Variants in TNPO3 observed in about 807,000 individuals in gnomAD.
The protein encoded by TNPO3 is transportin-3.
In TNPO3, 65 loss-of-function variants were observed where a neutral mutation model predicts 122.8. The ratio of observed to expected loss-of-function variants is 0.53; its 90% CI spans 0.43 to 0.65. The LOEUF is 0.65. Ranked by LOEUF, TNPO3 falls within the 30% of genes least tolerant of loss-of-function variation. The pLI, the probability that TNPO3 is intolerant of heterozygous loss-of-function variation, is 0.00. For synonymous variants in TNPO3, 372 were observed against 411.2 expected, an observed-to-expected ratio of 0.90 and a Z score of 1.15; for missense variants, 850 against 1,136.7, an observed-to-expected ratio of 0.75 and a Z score of 3.63.
At chr7:129,053,872 A>G (rs1359416146) in intron 1 of TNPO3, among the ~76,000 whole-genome samples, 3 of 152,244 alleles carry the variant, frequency 2.0e-5, no homozygotes, top group African/African-American at 4.8e-5. Context: ...CAGGAAGCAT[A>G]AAACATGAAT....
upstream of TNPO3, chr7:129,055,944 T>A: frequency 1.5e-6 from 1 of 676,590 alleles, no homozygotes; most frequent in Non-Finnish European, 2.7e-6. Context: ...TTAATCCGCC[T>A]AACAACCTTG....
In TNPO3 at chr7:128,957,324, G is replaced by C; in HGVS notation, c.2712-9C>G. 6.2e-7 allele frequency: 1 copy of C among 1,614,100 alleles called. No homozygotes were observed. Among genetic ancestry groups the C allele is most frequent in the Non-Finnish European group, 8.5e-7 (1 of 1,179,990 alleles). ...GTTTACATTCCTCAGCACTAGAAAA[G>C]AAAAGGTAGGTTGGTCCTTGACTGA... On this transcript the variant is annotated splice_polypyrimidine_tract_variant and intron_variant, in intron 21 of 22. Transcript: ENST00000265388.
At chr7:129,015,387 A>ACC (rs1406185399) in intron 3 of TNPO3, among the ~76,000 whole-genome samples, 1 of 152,172 alleles carries the variant, frequency 6.6e-6, no homozygotes, top group Non-Finnish European at 1.5e-5. Context: ...AAAAGTCCAT[A>ACC]ATGTAGTAAG....
rs1042123891 is a variant in TNPO3 at position 128,964,221 on chromosome 7, C to T, written c.2711+3059G>A. On this transcript the variant is annotated intron_variant, in intron 21 of 22. Coordinates refer to ENST00000265388, the MANE Select transcript of TNPO3 (RefSeq NM_012470.4). ...GTTAAGATTTCAATACTACTCAAAG[C>T]AATCTATAGATTCAATACAATCCCC... is the stretch of plus-strand genomic sequence containing the variant. Among the ~76,000 whole-genome samples, 10 of 152,066 alleles carry T rather than the reference C, an allele frequency of 6.6e-5. No individual in the cohort carries two copies. The East Asian group carries it at 1.9e-3, about 29-fold the overall frequency.
intron 1 of TNPO3, among the ~76,000 whole-genome samples, chr7:129,050,405 T>G (rs140584320): frequency 0.024 from 2,242 of 94,966 alleles, no homozygotes; most frequent in Middle Eastern, 0.068. Context: ...AAAAAAAGGG[T>G]GGGGGGGGAA....
At chr7:129,039,190 C>G (rs761413012) in intron 1 of TNPO3, among the ~76,000 whole-genome samples, 1 of 151,980 alleles carries the variant, frequency 6.6e-6, no homozygotes, top group African/African-American at 2.4e-5. Context: ...AAACAGGAAC[C>G]CTTATACACT....
At position 129,038,623 on chromosome 7, in the gene TNPO3, A is replaced by T. The variant is rs529606304; in HGVS notation, c.120+16028T>A. The stretch of plus-strand genomic sequence containing the variant: ...GGACTGGATAAAGAAAATGTGGTAG[A>T]TATGCACCATGGAATACTATGCAGC... On this transcript the variant is annotated intron_variant, in intron 1 of 22. Coordinates refer to ENST00000265388, the MANE Select transcript of TNPO3 (RefSeq NM_012470.4). Among the ~76,000 whole-genome samples, 46 of 152,356 alleles carry T rather than the reference A, an allele frequency of 3.0e-4. 1 individual carries two copies. The South Asian group carries it at 8.7e-3, about 29-fold the overall frequency.
At chr7:129,005,185 G>T (rs1563100434) in intron 4 of TNPO3, 26 bp from the exon 5 acceptor site, 1 of 1,587,854 alleles carries the variant, frequency 6.3e-7, no homozygotes. Flanking sequence ...AACTTAAAAT[G>T]AATAATGTTA....
chr7:129,047,674 A>G (rs957730136), intron 1 of TNPO3, among the ~76,000 whole-genome samples: 43 of 152,218 alleles, frequency 2.8e-4, no homozygotes, highest in African/African-American at 9.2e-4. Flanking sequence ...ACTATACTCA[A>G]TTACTCTCGG....
At chr7:128,963,081 A>C (rs1463999720) in intron 21 of TNPO3, among the ~76,000 whole-genome samples, 1 of 152,210 alleles carries the variant, frequency 6.6e-6, no homozygotes, top group Non-Finnish European at 1.5e-5. Flanking sequence ...ACATTCTAGA[A>C]GTTTCTCCTC....
At chr7:129,051,508 C>T (rs1808763805) in intron 1 of TNPO3, among the ~76,000 whole-genome samples, 2 of 151,756 alleles carry the variant, frequency 1.3e-5, no homozygotes, top group African/African-American at 4.8e-5. Context: ...ACTAATTTTC[C>T]TATTTTTTTG....
At chr7:128,970,711 T>C (rs966887745) in intron 19 of TNPO3, 4 of 156,896 alleles carry the variant, frequency 2.5e-5, no homozygotes, top group African/African-American at 9.7e-5. Context: ...GTGTTCCTAT[T>C]TCCTTTTTTA....
At chr7:128,964,935 AT>A (rs1192803142) in intron 21 of TNPO3, among the ~76,000 whole-genome samples, 1 of 152,214 alleles carries the variant, frequency 6.6e-6, no homozygotes. Flanking sequence ...ACATACAAAA[AT>A]TAACTCAAAA....
intron 8 of TNPO3, 22 bp from the exon 9 acceptor site, chr7:128,993,936 C>T (rs1344493580): frequency 1.3e-6 from 2 of 1,590,478 alleles, no homozygotes; most frequent in South Asian, 1.1e-5. Flanking sequence ...AATCAGATAA[C>T]ATCTGCTTTA....
chr7:128,963,346 G>A (rs780080559), intron 21 of TNPO3, among the ~76,000 whole-genome samples: 14 of 152,178 alleles, frequency 9.2e-5, no homozygotes, highest in Non-Finnish European at 2.1e-4. Flanking sequence ...ATACGATCCT[G>A]CCCTTATACT....
At chr7:129,055,878 ACTG>A (rs1458177802), upstream of TNPO3, 49 of 600,268 alleles carry the variant, frequency 8.2e-5, no homozygotes, top group African/African-American at 6.5e-4. Flanking sequence ...CTAGTAAATA[ACTG>A]CTATTTGATA....
intron 1 of TNPO3, chr7:129,030,202 T>G (rs1299967213): frequency 5.4e-6 from 1 of 185,492 alleles, no homozygotes; most frequent in African/African-American, 2.4e-5. Flanking sequence ...GTGAGAAGTA[T>G]TATTCATCCA....
At chr7:129,020,955 A>G (rs73463080) in intron 1 of TNPO3, among the ~76,000 whole-genome samples, 29 of 152,312 alleles carry the variant, frequency 1.9e-4, no homozygotes, top group African/African-American at 7.0e-4. Context: ...GTGGAAGCAG[A>G]GGCAAACAAC....
At chr7:128,970,471 G>A (rs182737393) in intron 19 of TNPO3, among the ~76,000 whole-genome samples, 156 bp from the exon 20 acceptor site, 1 of 152,168 alleles carries the variant, frequency 6.6e-6, no homozygotes, top group East Asian at 1.9e-4. Context: ...TGTGTAAAAT[G>A]ACAGCTGGAT....
Sources: gnomAD v4.1 joint callset for allele counts (sites outside exome capture counted in the v4.1 genomes callset) on GRCh38, gnomAD v4.1.1 for gene constraint, MANE v1.5 for transcripts, NCBI Gene and HGNC (gene_info 2026-07-23, HGNC 2026-07-21) for gene names.